PCDH15: variants seen among roughly 807,000 people sequenced by gnomAD.
The protein encoded by PCDH15 is protocadherin-15.
Under a neutral mutation model 178.5 loss-of-function variants are expected in PCDH15, and 129 were observed. The ratio of observed to expected loss-of-function variants is 0.72; its 90% CI spans 0.63 to 0.84. The LOEUF is 0.84. Ranked by LOEUF, PCDH15 falls within the 40% of genes least tolerant of loss-of-function variation. The probability of loss-of-function intolerance (pLI) is 0.00; values close to 1 mark genes in which losing one functional copy is unlikely to be tolerated. For missense variants in PCDH15, 2,230 were observed against 2,099.9 expected (o/e 1.06, Z -1.21); for synonymous variants, 800 against 732.0 (o/e 1.09, Z -1.50).
intron 2 of PCDH15, among the ~76,000 whole-genome samples, chr10:55,423,827 T>C (rs561251200): frequency 6.6e-6 from 1 of 152,240 alleles, no homozygotes; most frequent in East Asian, 1.9e-4. Context: ...ATAACTTAAA[T>C]GCTTACATGT....
intron 2 of PCDH15, among the ~76,000 whole-genome samples, chr10:55,062,856 T>A (rs1841470458): frequency 6.6e-6 from 1 of 152,146 alleles, no homozygotes; most frequent in African/African-American, 2.4e-5. Flanking sequence ...ATGGGAAATC[T>A]CTGTACCTTC....
chr10:55,548,154 G>T (rs1316913066), intron 2 of PCDH15, among the ~76,000 whole-genome samples: 2 of 149,846 alleles, frequency 1.3e-5, no homozygotes, highest in Non-Finnish European at 3.0e-5. Flanking sequence ...CTGAGACTCT[G>T]GTCATCATGG....
intron 14 of PCDH15, among the ~76,000 whole-genome samples, chr10:54,151,270 G>A (rs953538148): frequency 1.2e-4 from 18 of 152,280 alleles, no homozygotes; most frequent in Non-Finnish European, 1.8e-4. Flanking sequence ...GCCAGGCGTC[G>A]TGGCTGATGC....
intron 29 of PCDH15, among the ~76,000 whole-genome samples, chr10:53,836,863 T>C (rs544421622): frequency 6.6e-6 from 1 of 152,200 alleles, no homozygotes; most frequent in Admixed American, 6.5e-5. Context: ...GATTAATACA[T>C]TGCAAAATAG....
intron 2 of PCDH15, among the ~76,000 whole-genome samples, chr10:55,023,911 G>A (rs1840404412): frequency 6.7e-6 from 1 of 148,776 alleles, no homozygotes; most frequent in Non-Finnish European, 1.5e-5. Context: ...GTGAGTGTGT[G>A]TCTGTATACA....
At chr10:54,007,068 G>C (rs1011717930) in intron 20 of PCDH15, among the ~76,000 whole-genome samples, 2 of 152,136 alleles carry the variant, frequency 1.3e-5, no homozygotes, top group African/African-American at 2.4e-5. Flanking sequence ...ATGCTGCTTA[G>C]TATAATATAT....
chr10:54,374,498 T>G (rs375771032), intron 4 of PCDH15, among the ~76,000 whole-genome samples: 4 of 152,054 alleles, frequency 2.6e-5, no homozygotes, highest in South Asian at 2.1e-4. Context: ...ACATGCCCAA[T>G]AGTGATGAGA....
intron 32 of PCDH15, chr10:53,822,801 C>G: frequency 6.2e-7 from 1 of 1,614,022 alleles, no homozygotes; most frequent in Non-Finnish European, 8.5e-7. Flanking sequence ...CAGTGTTTCA[C>G]CTTGCCTTAT....
At chr10:54,643,286 A>C (rs546276718) in intron 2 of PCDH15, among the ~76,000 whole-genome samples, 1 of 152,326 alleles carries the variant, frequency 6.6e-6, no homozygotes, top group East Asian at 1.9e-4. Flanking sequence ...GAGTCTCCTC[A>C]AATGACTTTT....
At chr10:53,887,615 A>G (rs907686042) in intron 26 of PCDH15, among the ~76,000 whole-genome samples, 16 of 152,280 alleles carry the variant, frequency 1.1e-4, no homozygotes, top group South Asian at 2.1e-4. Context: ...CAGGTCGGGC[A>G]CGGTGGCTCA....
chr10:54,183,269 C>T (rs1359712508), intron 13 of PCDH15, among the ~76,000 whole-genome samples, 175 bp downstream of exon 13: 1 of 152,132 alleles, frequency 6.6e-6, no homozygotes, highest in African/African-American at 2.4e-5. Context: ...CCATGCCTGG[C>T]GGATATGCTT....
intron 25 of PCDH15, among the ~76,000 whole-genome samples, chr10:53,933,806 C>T (rs1386883669): frequency 6.6e-6 from 1 of 152,130 alleles, no homozygotes; most frequent in African/African-American, 2.4e-5. Flanking sequence ...TAAAAGTGTT[C>T]CTATTTCTCC....
At chr10:55,452,595 T>G (rs755673350) in intron 2 of PCDH15, among the ~76,000 whole-genome samples, 7 of 152,190 alleles carry the variant, frequency 4.6e-5, no homozygotes, top group Non-Finnish European at 7.3e-5. Flanking sequence ...TATTTTGTTC[T>G]TTTATGGTGT....
At chr10:54,998,271 A>C (rs1275224106) in intron 2 of PCDH15, among the ~76,000 whole-genome samples, 3 of 152,124 alleles carry the variant, frequency 2.0e-5, no homozygotes, top group Admixed American at 2.0e-4. Context: ...GTAAGTCATA[A>C]ATTTTTTTTC....
chr10:54,782,680 C>G (rs17173649), intron 1 of PCDH15, among the ~76,000 whole-genome samples: 1,638 of 152,096 alleles, frequency 0.011, 72 homozygotes, highest in Admixed American at 0.076. Flanking sequence ...CAAGCTTATA[C>G]ACGACCTCAG....
At chr10:55,429,586 G>A (rs760093967) in intron 2 of PCDH15, among the ~76,000 whole-genome samples, 2 of 152,104 alleles carry the variant, frequency 1.3e-5, no homozygotes, top group Non-Finnish European at 2.9e-5. Context: ...TATAATTTTT[G>A]ATGTACTGCA....
chr10:54,579,432 T>C (rs953981367), intron 2 of PCDH15, among the ~76,000 whole-genome samples: 3 of 152,104 alleles, frequency 2.0e-5, no homozygotes, highest in Non-Finnish European at 4.4e-5. Flanking sequence ...ACTCAACAAG[T>C]AGACTTAACT....
chr10:54,253,129 G>T (rs961458202), intron 8 of PCDH15, among the ~76,000 whole-genome samples: 10 of 151,972 alleles, frequency 6.6e-5, no homozygotes, highest in Non-Finnish European at 1.3e-4. Context: ...TGAGGATTGG[G>T]TTTACTAGAG....
intron 2 of PCDH15, among the ~76,000 whole-genome samples, chr10:55,115,594 G>A (rs1208541921): frequency 3.3e-5 from 5 of 152,074 alleles, no homozygotes; most frequent in Admixed American, 3.3e-4. Flanking sequence ...CCTGCTCCTT[G>A]GAGAACTAGT....
Sources: allele counts gnomAD v4.1 joint callset (sites outside exome capture counted in the v4.1 genomes callset), GRCh38; gene constraint gnomAD v4.1.1; transcripts MANE v1.5; gene names NCBI Gene and HGNC (gene_info 2026-07-23, HGNC 2026-07-21).